Variants in CLVS1 observed in about 807,000 individuals in gnomAD.
The protein encoded by CLVS1 is clavesin-1.
Under a neutral mutation model 33.1 loss-of-function variants are expected in CLVS1, and 10 were observed. That is an observed-to-expected ratio of 0.30 (90% CI 0.19 to 0.51). The LOEUF is 0.51. CLVS1 is among the 20% of genes least tolerant of loss of function. The pLI is 0.97. For synonymous variants in CLVS1, 163 were observed against 166.1 expected (o/e 0.98, Z 0.14); for missense variants, 343 against 433.4 (o/e 0.79, Z 1.85).
intron 5 of CLVS1, among the ~76,000 whole-genome samples, chr8:61,475,444 C>T (rs1376722646): frequency 6.6e-6 from 1 of 152,228 alleles, no homozygotes; most frequent in Non-Finnish European, 1.5e-5. Context: ...TCTCCACACC[C>T]TCTCCAGCAC....
intron 2 of CLVS1, among the ~76,000 whole-genome samples, chr8:61,149,965 G>A (rs1039392178): frequency 6.6e-6 from 1 of 152,328 alleles, no homozygotes; most frequent in South Asian, 2.1e-4. Flanking sequence ...GAAGCACATA[G>A]CTGCGGGTGA....
the CLVS1 span, among the ~76,000 whole-genome samples, chr8:61,048,044 T>C: frequency 4.6e-5 from 7 of 152,148 alleles, no homozygotes; most frequent in Non-Finnish European, 7.4e-5. Context: ...CATGAGGCAG[T>C]TGGACTGCTG....
chr8:61,381,370 C>T (rs1203265269), intron 3 of CLVS1, among the ~76,000 whole-genome samples: 1 of 152,092 alleles, frequency 6.6e-6, no homozygotes, highest in African/African-American at 2.4e-5. Context: ...CTGCAAATCA[C>T]CTATCTCCCT....
intron 3 of CLVS1, among the ~76,000 whole-genome samples, chr8:61,428,467 A>G (rs981629690): frequency 2.6e-5 from 4 of 152,240 alleles, no homozygotes; most frequent in African/African-American, 7.2e-5. Flanking sequence ...GGATGATGGC[A>G]TTACAACCTC....
intron 2 of CLVS1, among the ~76,000 whole-genome samples, chr8:61,138,063 G>A (rs1452737752): frequency 1.3e-5 from 2 of 152,224 alleles, no homozygotes; most frequent in Non-Finnish European, 2.9e-5. Flanking sequence ...CAGACCTGGA[G>A]AGTAGACAGA....
At chr8:61,414,405 T>A (rs956021954) in intron 3 of CLVS1, among the ~76,000 whole-genome samples, 2 of 118,388 alleles carry the variant, frequency 1.7e-5, no homozygotes, top group East Asian at 4.5e-4. Flanking sequence ...TTACCGAAAT[T>A]GTTTTTTTTT....
chr8:61,340,090 G>T (rs1811974549), intron 2 of CLVS1, among the ~76,000 whole-genome samples: 1 of 151,434 alleles, frequency 6.6e-6, no homozygotes, highest in South Asian at 2.1e-4. Context: ...AGGAAAGAAA[G>T]AAAAAGAAAG....
chr8:60,993,940 A>G, the CLVS1 span, among the ~76,000 whole-genome samples: 1 of 152,126 alleles, frequency 6.6e-6, no homozygotes, highest in Non-Finnish European at 1.5e-5. Flanking sequence ...GAGATTCTGA[A>G]CTAGTTCCTT....
At chr8:61,133,755 C>T (rs758078898) in intron 2 of CLVS1, among the ~76,000 whole-genome samples, 8 of 152,034 alleles carry the variant, frequency 5.3e-5, no homozygotes, top group Non-Finnish European at 8.8e-5. Context: ...GTGATGAAGC[C>T]TGGGATGAAG....
intron 2 of CLVS1, chr8:61,202,905 A>C: frequency 9.3e-7 from 1 of 1,078,778 alleles, no homozygotes; most frequent in Non-Finnish European, 1.4e-6. Context: ...AGGAAGCTGA[A>C]GAAAAAGTGC....
chr8:61,034,816 T>A, the CLVS1 span, among the ~76,000 whole-genome samples: 1 of 152,158 alleles, frequency 6.6e-6, no homozygotes, highest in African/African-American at 2.4e-5. Context: ...AGCAGAGGAC[T>A]TGAAAACAGA....
intron 2 of CLVS1, among the ~76,000 whole-genome samples, chr8:61,305,910 A>G (rs1810608514): frequency 6.6e-6 from 1 of 152,196 alleles, no homozygotes; most frequent in East Asian, 1.9e-4. Flanking sequence ...GTGGCTGCAT[A>G]GTATTTCATG....
chr8:61,385,103 G>A (rs1347050759), intron 3 of CLVS1, among the ~76,000 whole-genome samples: 1 of 152,194 alleles, frequency 6.6e-6, no homozygotes, highest in East Asian at 1.9e-4. Flanking sequence ...GGGAGCAGGA[G>A]CATGGTGGTG....
At chr8:61,027,744 G>C in the CLVS1 span, among the ~76,000 whole-genome samples, 2 of 152,078 alleles carry the variant, frequency 1.3e-5, no homozygotes, top group African/African-American at 4.8e-5. Flanking sequence ...AATATCCAGT[G>C]TCTGGTTAGA....
At chr8:61,164,550 C>A (rs529380349) in intron 2 of CLVS1, among the ~76,000 whole-genome samples, 1 of 152,142 alleles carries the variant, frequency 6.6e-6, no homozygotes, top group Non-Finnish European at 1.5e-5. Context: ...AACATCATGG[C>A]GCCCTGAATT....
chr8:61,246,522 T>C (rs1461514606), intron 2 of CLVS1, among the ~76,000 whole-genome samples: 1 of 152,158 alleles, frequency 6.6e-6, no homozygotes, highest in East Asian at 1.9e-4. Flanking sequence ...ACGTGTAAAA[T>C]CTCAAAAGGC....
At chr8:61,312,649 T>G (rs1810867664) in intron 2 of CLVS1, among the ~76,000 whole-genome samples, 1 of 152,206 alleles carries the variant, frequency 6.6e-6, no homozygotes, top group Non-Finnish European at 1.5e-5. Flanking sequence ...TTGTTAATGT[T>G]AATAATGCTC....
chr8:61,107,663 G>C (rs1340258297), intron 1 of CLVS1, among the ~76,000 whole-genome samples: 1 of 152,232 alleles, frequency 6.6e-6, no homozygotes, highest in Non-Finnish European at 1.5e-5. Flanking sequence ...ACCTGGAGAT[G>C]GCAGCTGGTT....
chr8:61,423,802 C>T (rs1336989164), intron 3 of CLVS1, among the ~76,000 whole-genome samples: 1 of 152,162 alleles, frequency 6.6e-6, no homozygotes, highest in African/African-American at 2.4e-5. Flanking sequence ...ACCCTAGTGT[C>T]TCTCAGGTAT....
Sources: gnomAD v4.1 joint callset for allele counts (sites outside exome capture counted in the v4.1 genomes callset) on GRCh38, gnomAD v4.1.1 for gene constraint, MANE v1.5 for transcripts, NCBI Gene and HGNC (gene_info 2026-07-23, HGNC 2026-07-21) for gene names.